The following FAM110B variants were observed in gnomAD, a reference collection of about 807,000 sequenced individuals.
FAM110B encodes family with sequence similarity 110 member B, also known as protein FAM110B.
Under a neutral mutation model 20.4 loss-of-function variants are expected in FAM110B, and 6 were observed. The ratio of observed to expected loss-of-function variants is 0.29; its 90% confidence interval spans 0.16 to 0.58. The LOEUF (loss-of-function observed/expected upper bound fraction) is 0.58. FAM110B is among the 20% of genes least tolerant of loss of function. The pLI, the probability that FAM110B is intolerant of heterozygous loss-of-function variation, is 0.90. For synonymous variants in FAM110B, 226 were observed against 214.1 expected (o/e 1.06, Z -0.49); for missense variants, 434 against 498.2 (o/e 0.87, Z 1.23).
At chr8:58,027,143 T>A (rs917042782) in intron 1 of FAM110B, among the ~76,000 whole-genome samples, 1 of 152,220 alleles carries the variant, frequency 6.6e-6, no homozygotes, top group Non-Finnish European at 1.5e-5. Flanking sequence ...TCCCTTTACA[T>A]TGAAGAAATT....
intron 2 of FAM110B, among the ~76,000 whole-genome samples, chr8:58,073,278 C>T (rs1240915925): frequency 6.6e-6 from 1 of 152,120 alleles, no homozygotes; most frequent in Non-Finnish European, 1.5e-5. Flanking sequence ...ACGAGGCAGA[C>T]AGAGAGACAT....
intron 3 of FAM110B, among the ~76,000 whole-genome samples, chr8:58,138,401 G>C (rs1477764928): frequency 3.9e-5 from 6 of 152,246 alleles, no homozygotes; most frequent in African/African-American, 1.4e-4. Flanking sequence ...TGGAAAGGCA[G>C]CTTCATCCTG....
Position 58,146,922 on chromosome 8 carries a change from C to G in FAM110B, c.692C>G (p.Ala231Gly). ...APPLPPKPKI[A>G]AIASMKSPEA... is the part of the protein sequence containing the mutation. ...CCCCTGCCTCCCAAGCCCAAAATCGCAGCCATCGCCTCCATGAAGTCCCCC... is the reference window on the plus strand; with the variant it reads ...CCCCTGCCTCCCAAGCCCAAAATCGGAGCCATCGCCTCCATGAAGTCCCCC... The change falls in exon 4 of 4, where the codon GCA becomes GGA. Residue 231 changes from alanine to glycine, a missense_variant. By Grantham distance (60) the Ala-to-Gly change is moderately conservative. Coordinates refer to ENST00000519262, the MANE Select transcript of FAM110B (RefSeq NM_001377989.1). The G allele has an allele frequency of 1.2e-6, 2 of 1,614,222 alleles. No individual in the cohort carries two copies. Among genetic ancestry groups the G allele is most frequent in the African/African-American group, 1.3e-5 (1 of 75,062 alleles).
chr8:58,143,373 A>G (rs1417479847), intron 3 of FAM110B, among the ~76,000 whole-genome samples: 1 of 152,240 alleles, frequency 6.6e-6, no homozygotes, highest in African/African-American at 2.4e-5. Flanking sequence ...GTCATGTCAA[A>G]ACATCATCAC....
At chr8:58,058,538 A>G (rs767401735) in intron 2 of FAM110B, among the ~76,000 whole-genome samples, 5 of 152,186 alleles carry the variant, frequency 3.3e-5, no homozygotes, top group Non-Finnish European at 7.4e-5. Context: ...AATAAGGCCT[A>G]TATATGAATA....
chr8:58,058,655 A>G (rs1563354183), intron 2 of FAM110B, among the ~76,000 whole-genome samples: 1 of 152,100 alleles, frequency 6.6e-6, no homozygotes, highest in Admixed American at 6.6e-5. Flanking sequence ...AGATTGAGTC[A>G]TTTTTTTCTT....
chr8:58,008,149 T>A (rs1253415174), intron 1 of FAM110B, among the ~76,000 whole-genome samples: 5 of 148,174 alleles, frequency 3.4e-5, no homozygotes, highest in African/African-American at 1.2e-4. Flanking sequence ...TTTTTTTTTT[T>A]AAAGTCTCAC....
chr8:58,092,946 G>T (rs984238568), intron 3 of FAM110B, among the ~76,000 whole-genome samples: 11 of 152,144 alleles, frequency 7.2e-5, no homozygotes, highest in African/African-American at 2.7e-4. Flanking sequence ...ATTCTAACTG[G>T]CATGGGATGG....
chr8:58,012,160 T>G (rs2150566151), intron 1 of FAM110B, among the ~76,000 whole-genome samples: 1 of 152,248 alleles, frequency 6.6e-6, no homozygotes, highest in Non-Finnish European at 1.5e-5. Context: ...CTATAGCAGG[T>G]TGGTAGGAAA....
In FAM110B at chr8:58,146,588, A is replaced by G; in HGVS notation, c.358A>G (p.Ile120Val). ...GVQRENLKLE[I>V]LKNIINSSEG... ...GCAGAGGGAGAACCTGAAGCTGGAG[A>G]TCCTGAAGAACATCATCAATAGCTC... The change falls in exon 4 of 4, where the codon ATC becomes GTC. Residue 120 changes from isoleucine to valine, a missense_variant. This residue lies in a region of FAM110B where 284 missense variants were observed against 278.3 expected (regional missense o/e 1.02). Coordinates refer to ENST00000519262, the MANE Select transcript of FAM110B (RefSeq NM_001377989.1). 6.2e-7 allele frequency: 1 copy of G among 1,613,996 alleles called. No individual in the cohort carries two copies.
chr8:58,081,324 A>G (rs1806185153), intron 3 of FAM110B, among the ~76,000 whole-genome samples: 1 of 152,164 alleles, frequency 6.6e-6, no homozygotes, highest in East Asian at 1.9e-4. Flanking sequence ...CTCCTGCCTC[A>G]GCCTCCCAAG....
chr8:58,024,476 G>A (rs573399469), intron 1 of FAM110B, among the ~76,000 whole-genome samples: 50 of 152,088 alleles, frequency 3.3e-4, no homozygotes, highest in Admixed American at 5.2e-4. Flanking sequence ...TCTGTGCCTG[G>A]CATTTTTACA....
chr8:58,114,459 C>T (rs1405180902), intron 3 of FAM110B, among the ~76,000 whole-genome samples: 1 of 152,192 alleles, frequency 6.6e-6, no homozygotes, highest in Non-Finnish European at 1.5e-5. Context: ...ATCGTCTCAG[C>T]CAGCCTCATG....
At chr8:58,014,650 A>C (rs553226865) in intron 1 of FAM110B, among the ~76,000 whole-genome samples, 1 of 152,334 alleles carries the variant, frequency 6.6e-6, no homozygotes, top group African/African-American at 2.4e-5. Flanking sequence ...TTTTAAAATA[A>C]AACTTCTGTT....
At chr8:58,135,558 T>C (rs1427543831) in intron 3 of FAM110B, among the ~76,000 whole-genome samples, 1 of 152,224 alleles carries the variant, frequency 6.6e-6, no homozygotes, top group East Asian at 1.9e-4. Flanking sequence ...TACTAGAAAT[T>C]AAAATATTTT....
intron 3 of FAM110B, among the ~76,000 whole-genome samples, chr8:58,131,687 G>A (rs1453208710): frequency 6.6e-6 from 1 of 152,080 alleles, no homozygotes; most frequent in African/African-American, 2.4e-5. Flanking sequence ...ATACTATATT[G>A]ATCCATTGAT....
At chr8:58,002,429 T>C (rs1430060483) in intron 1 of FAM110B, among the ~76,000 whole-genome samples, 1 of 152,238 alleles carries the variant, frequency 6.6e-6, no homozygotes, top group African/African-American at 2.4e-5. Context: ...TTCTCAGTAG[T>C]GCTAGCAACA....
At chr8:58,109,580 A>G (rs1353415215) in intron 3 of FAM110B, among the ~76,000 whole-genome samples, 1 of 152,116 alleles carries the variant, frequency 6.6e-6, no homozygotes, top group Non-Finnish European at 1.5e-5. Context: ...CTGGGGAGGA[A>G]GGCTTGTTGA....
chr8:58,130,341 C>T (rs567042272), intron 3 of FAM110B, among the ~76,000 whole-genome samples: 1 of 152,268 alleles, frequency 6.6e-6, no homozygotes, highest in South Asian at 2.1e-4. Flanking sequence ...GATCATGAGT[C>T]CTGGTATCAG....
Sources: allele counts gnomAD v4.1 joint callset (sites outside exome capture counted in the v4.1 genomes callset), GRCh38; gene constraint gnomAD v4.1.1; regional missense constraint gnomAD v4.1.1; transcripts MANE v1.5; gene names NCBI Gene and HGNC (gene_info 2026-07-23, HGNC 2026-07-21).